The following GRIK4 variants were observed in gnomAD, a reference collection of about 807,000 sequenced individuals.
GRIK4 encodes the protein glutamate ionotropic receptor kainate type subunit 4.
A neutral mutation model predicts 104.9 loss-of-function variants in GRIK4; 40 were observed. That is an observed-to-expected ratio of 0.38 (90% confidence interval 0.30 to 0.50). The LOEUF is 0.50. GRIK4 is among the 20% of genes least tolerant of loss of function. GRIK4 has a pLI of 0.93. For synonymous variants in GRIK4, 485 were observed against 524.9 expected (o/e 0.92, Z 1.04); for missense variants, 1,047 against 1,308.1 (o/e 0.80, Z 3.08).
At chr11:120,543,057 A>T (rs1229606613) in intron 1 of GRIK4, among the ~76,000 whole-genome samples, 1 of 152,248 alleles carries the variant, frequency 6.6e-6, no homozygotes, top group Non-Finnish European at 1.5e-5. Context: ...CATAGCTGGT[A>T]CAAGTGTACC....
At chr11:120,837,316 C>T (rs1953598845) in intron 8 of GRIK4, among the ~76,000 whole-genome samples, 1 of 152,172 alleles carries the variant, frequency 6.6e-6, no homozygotes, top group African/African-American at 2.4e-5. Context: ...AACCCTGTAG[C>T]ATCTGACAGG....
At chr11:120,696,976 T>C (rs1295614661) in intron 3 of GRIK4, among the ~76,000 whole-genome samples, 1 of 152,214 alleles carries the variant, frequency 6.6e-6, no homozygotes, top group Non-Finnish European at 1.5e-5. Context: ...AGCCAGCCCT[T>C]ATTCAGTGTC....
chr11:120,519,610 G>C (rs2136072432), intron 1 of GRIK4, among the ~76,000 whole-genome samples: 1 of 152,324 alleles, frequency 6.6e-6, no homozygotes, highest in South Asian at 2.1e-4. Flanking sequence ...AATGCACTAT[G>C]ATAATAACCT....
chr11:120,648,031 C>A (rs1241243726), intron 1 of GRIK4, among the ~76,000 whole-genome samples: 3 of 152,144 alleles, frequency 2.0e-5, no homozygotes, highest in Non-Finnish European at 4.4e-5. Context: ...CCTCTTCTGG[C>A]CGCCGGAGCT....
intron 8 of GRIK4, among the ~76,000 whole-genome samples, chr11:120,860,739 GA>G (rs1490753140): frequency 6.6e-6 from 1 of 152,184 alleles, no homozygotes; most frequent in Non-Finnish European, 1.5e-5. Flanking sequence ...TCAAGTGAAT[GA>G]AAAAATTAGT....
At chr11:120,732,618 G>T (rs1248192924) in intron 3 of GRIK4, among the ~76,000 whole-genome samples, 2 of 152,022 alleles carry the variant, frequency 1.3e-5, no homozygotes, top group African/African-American at 2.4e-5. Flanking sequence ...GGAGCATATT[G>T]TTTATTTTCT....
intron 1 of GRIK4, among the ~76,000 whole-genome samples, chr11:120,520,440 C>T (rs535235087): frequency 3.3e-5 from 5 of 152,322 alleles, no homozygotes; most frequent in African/African-American, 9.6e-5. Context: ...TCCTGAATCA[C>T]GTGCCATTCT....
intron 3 of GRIK4, among the ~76,000 whole-genome samples, chr11:120,689,940 G>A (rs1187903563): frequency 1.3e-5 from 2 of 152,168 alleles, no homozygotes; most frequent in African/African-American, 4.8e-5. Flanking sequence ...TTTATTGATC[G>A]AATGAGTAAA....
At position 120,516,978 on chromosome 11, in the gene GRIK4, C is replaced by T. The variant is rs1192855046; in HGVS notation, c.-159+5091C>T. ...CTTGTGCAGGAACAGGCCTGGGGCG[C>T]GTGCTGCCGGGGGCCAGCTTAAGGC... On this transcript the variant is annotated intron_variant, in intron 1 of 20. Transcript: ENST00000527524. Among the ~76,000 whole-genome samples, 8 of 128,662 alleles carry T rather than the reference C, an allele frequency of 6.2e-5. 1 individual carries two copies. Among genetic ancestry groups the T allele is most frequent in the Admixed American group, 5.8e-4 (8 of 13,738 alleles). 84.4% of individuals were successfully genotyped at this position (128,662 alleles called of 152,430 possible). A position where few individuals can be genotyped will look rare whatever the true frequency, so the allele number is the denominator to read the frequency against.
intron 1 of GRIK4, among the ~76,000 whole-genome samples, chr11:120,562,112 G>C (rs1270826399): frequency 1.3e-5 from 2 of 152,168 alleles, no homozygotes; most frequent in Admixed American, 6.5e-5. Context: ...CCATGGGCCA[G>C]GCACTGTGCT....
intron 3 of GRIK4, among the ~76,000 whole-genome samples, chr11:120,738,372 A>T (rs764033001): frequency 6.6e-6 from 1 of 152,218 alleles, no homozygotes; most frequent in Non-Finnish European, 1.5e-5. Flanking sequence ...AATAGTTTCA[A>T]GGGAACCTTG....
chr11:120,802,617 G>A, intron 3 of GRIK4, 76 bp from the exon 4 acceptor site: 1 of 1,284,086 alleles, frequency 7.8e-7, no homozygotes, highest in Non-Finnish European at 1.1e-6. Flanking sequence ...GGTGGCAGCA[G>A]GGGGAGGCTG....
chr11:120,930,808 G>T (rs1388658219), intron 13 of GRIK4, among the ~76,000 whole-genome samples: 6 of 152,190 alleles, frequency 3.9e-5, no homozygotes, highest in Non-Finnish European at 7.3e-5. Context: ...CTGGCTGCAG[G>T]GGAGGGGCAG....
chr11:120,874,586 G>T (rs1267148520), intron 10 of GRIK4, among the ~76,000 whole-genome samples: 1 of 152,188 alleles, frequency 6.6e-6, no homozygotes, highest in African/African-American at 2.4e-5. Context: ...ATCCCTCTGG[G>T]AGTTGCAGGC....
At chr11:120,580,829 A>G (rs1191832156) in intron 1 of GRIK4, among the ~76,000 whole-genome samples, 1 of 152,114 alleles carries the variant, frequency 6.6e-6, no homozygotes, top group African/African-American at 2.4e-5. Context: ...TTAGCTTCCT[A>G]AGAAGCTGCC....
In GRIK4 at chr11:120,571,304, G is replaced by A. The variant is rs977517289; in HGVS notation, c.-159+59417G>A. On this transcript the variant is annotated intron_variant, in intron 1 of 20. Coordinates refer to ENST00000527524, the MANE Select transcript of GRIK4 (RefSeq NM_014619.5). ...AAAGCTGTGCAGCAGCTGAGGACATGGTGACGACTGTCCTCTGCATGCCGC... is the reference window on the plus strand; with the variant it reads ...AAAGCTGTGCAGCAGCTGAGGACATAGTGACGACTGTCCTCTGCATGCCGC... 3.3e-5 allele frequency among the ~76,000 whole-genome samples: 5 copies of A among 152,298 alleles called. No homozygotes were observed. In the East Asian group the frequency reaches 5.8e-4, roughly 18 times the overall value.
chr11:120,743,320 G>A (rs1951373860), intron 3 of GRIK4, among the ~76,000 whole-genome samples: 1 of 151,990 alleles, frequency 6.6e-6, no homozygotes, highest in Non-Finnish European at 1.5e-5. Flanking sequence ...ACAAATGCAG[G>A]AACAGAAAAT....
At chr11:120,851,855 G>T (rs769272002) in intron 8 of GRIK4, among the ~76,000 whole-genome samples, 10 of 152,200 alleles carry the variant, frequency 6.6e-5, no homozygotes, top group Admixed American at 2.0e-4. Context: ...AGAGTCCACT[G>T]ATTAACAGCA....
intron 1 of GRIK4, among the ~76,000 whole-genome samples, chr11:120,528,773 A>C (rs1947891239): frequency 6.6e-6 from 1 of 152,050 alleles, no homozygotes; most frequent in South Asian, 2.1e-4. Flanking sequence ...GACCCATGAG[A>C]TCTCTCATGA....
Sources: gnomAD v4.1 joint callset for allele counts (sites outside exome capture counted in the v4.1 genomes callset) on GRCh38, gnomAD v4.1.1 for gene constraint, MANE v1.5 for transcripts, NCBI Gene and HGNC (gene_info 2026-07-23, HGNC 2026-07-21) for gene names.